ERCC6L2: variants seen among roughly 807,000 people sequenced by gnomAD.
ERCC6L2 encodes DNA excision repair protein ERCC-6-like 2.
In ERCC6L2, 77 loss-of-function variants were observed where a neutral mutation model predicts 132.0. The observed-to-expected ratio is 0.58, with a 90% CI of 0.49 to 0.71. The LOEUF is 0.71. Among genes scored for constraint, ERCC6L2 ranks in the 30% least tolerant of loss-of-function variants. The pLI is 0.00. For synonymous variants in ERCC6L2, 583 were observed against 632.4 expected (o/e 0.92, Z 1.17); for missense variants, 1,542 against 1,837.6 (o/e 0.84, Z 2.94).
chr9:95,992,621 T>G (rs1347792133), intron 17 of ERCC6L2, among the ~76,000 whole-genome samples: 1 of 152,210 alleles, frequency 6.6e-6, no homozygotes, highest in Non-Finnish European at 1.5e-5. Context: ...ACATCAAATC[T>G]CACAACTAGT....
At chr9:96,002,101 C>T (rs915502408) in intron 17 of ERCC6L2, among the ~76,000 whole-genome samples, 3 of 152,242 alleles carry the variant, frequency 2.0e-5, no homozygotes, top group Non-Finnish European at 4.4e-5. Flanking sequence ...CGTGCCTCTC[C>T]CTCCACACCT....
intron 4 of ERCC6L2, among the ~76,000 whole-genome samples, chr9:95,913,989 T>C (rs1829462002): frequency 6.6e-6 from 1 of 152,208 alleles, no homozygotes; most frequent in Non-Finnish European, 1.5e-5. Context: ...CACCTAAGTT[T>C]TCATTTTTCT....
chr9:95,987,901 G>A, intron 17 of ERCC6L2, among the ~76,000 whole-genome samples: 1 of 152,194 alleles, frequency 6.6e-6, no homozygotes, highest in South Asian at 2.1e-4. Flanking sequence ...TCTAGGTGAT[G>A]GTTCCCAAAC....
Position 96,018,167 on chromosome 9 carries a change from T to C in ERCC6L2, c.*4964T>C, listed in dbSNP as rs998290065. 6.6e-6 allele frequency among the ~76,000 whole-genome samples: 1 copy of C among 152,194 alleles called. No individual in the cohort carries two copies. Among genetic ancestry groups the C allele is most frequent in the Non-Finnish European group, 1.5e-5 (1 of 68,032 alleles). On this transcript the variant is annotated 3_prime_UTR_variant, in exon 19 of 19. Coordinates refer to ENST00000653738, the MANE Select transcript of ERCC6L2 (RefSeq NM_020207.7). ...GTGGCCTGAAGATGGATGGTCGTGATGGTTGCACAGCAATGTGAATTTAAT... is the reference window on the plus strand; with the variant it reads ...GTGGCCTGAAGATGGATGGTCGTGACGGTTGCACAGCAATGTGAATTTAAT...
In ERCC6L2 at chr9:96,016,869, A is replaced by G. The variant is rs1564307529; in HGVS notation, c.*3666A>G. 6.6e-6 allele frequency among the ~76,000 whole-genome samples: 1 copy of G among 152,192 alleles called. No individual in the cohort carries two copies. The highest frequency in any genetic ancestry group is 2.4e-5 in the African/African-American group (1 of 41,448). On this transcript the variant is annotated 3_prime_UTR_variant, in exon 19 of 19. Coordinates refer to ENST00000653738, the MANE Select transcript of ERCC6L2 (RefSeq NM_020207.7). ...TGACACTTACTGGTCTATAAAATCC[A>G]AAGGAATGGGGATCACTGCCTGCCT...
chr9:95,915,647 T>A (rs1564219139), intron 4 of ERCC6L2, 21 bp from the exon 5 acceptor site: 1 of 1,589,468 alleles, frequency 6.3e-7, no homozygotes, highest in Non-Finnish European at 8.5e-7. Context: ...AACCTCACCC[T>A]TCTTTTTTCT....
chr9:95,998,981 T>C (rs1469026023), intron 17 of ERCC6L2, among the ~76,000 whole-genome samples: 1 of 152,214 alleles, frequency 6.6e-6, no homozygotes, highest in Non-Finnish European at 1.5e-5. Flanking sequence ...TTCAGTAAAG[T>C]ATTAAAGTTC....
chr9:95,977,437 C>G (rs1157796053), intron 16 of ERCC6L2, among the ~76,000 whole-genome samples: 1 of 152,088 alleles, frequency 6.6e-6, no homozygotes, highest in Admixed American at 6.5e-5. Context: ...TTTATGATCA[C>G]AATTCAAAAA....
intron 4 of ERCC6L2, among the ~76,000 whole-genome samples, chr9:95,909,265 T>C (rs1403370820): frequency 6.6e-6 from 1 of 152,204 alleles, no homozygotes; most frequent in East Asian, 1.9e-4. Context: ...TCTTTTTTAT[T>C]TTTATGACCC....
chr9:95,946,039 A>T (rs1257335866), intron 12 of ERCC6L2, among the ~76,000 whole-genome samples: 1 of 152,220 alleles, frequency 6.6e-6, no homozygotes. Flanking sequence ...TGGTAACAAA[A>T]ATTAAGAATG....
intron 12 of ERCC6L2, among the ~76,000 whole-genome samples, chr9:95,949,575 A>G (rs1028621121): frequency 6.6e-6 from 1 of 152,188 alleles, no homozygotes; most frequent in Non-Finnish European, 1.5e-5. Context: ...AAAAAAACAA[A>G]CAAACTGTCA....
chr9:95,950,526 A>C (rs1362674408), intron 12 of ERCC6L2, among the ~76,000 whole-genome samples: 1 of 152,216 alleles, frequency 6.6e-6, no homozygotes, highest in African/African-American at 2.4e-5. Context: ...ATCAAATTCC[A>C]TAATTAAAAG....
intron 12 of ERCC6L2, among the ~76,000 whole-genome samples, chr9:95,947,616 G>A (rs1177794511): frequency 2.0e-5 from 3 of 152,184 alleles, no homozygotes; most frequent in Non-Finnish European, 2.9e-5. Flanking sequence ...ATGTCATTGA[G>A]GACTGTAGTC....
In ERCC6L2 at chr9:96,012,629, C is replaced by T; in HGVS notation, c.4079C>T (p.Pro1360Leu). Residue 1360 changes from proline (P) to leucine (L), a missense_variant, in exon 19 of 19, where the codon CCT (proline) becomes CTT (leucine). Pro to Leu is a moderately conservative substitution (Grantham distance 98, BLOSUM62 -3). Transcript: ENST00000653738. ...FFNDAETKKSPVSSTQEIDSG... is the reference protein window; with the variant it reads ...FFNDAETKKSLVSSTQEIDSG... Reference sequence around the variant, plus strand: ...AATGATGCAGAAACTAAGAAATCACCTGTTAGTTCTACTCAAGAGATTGAC... The same window carrying T: ...AATGATGCAGAAACTAAGAAATCACTTGTTAGTTCTACTCAAGAGATTGAC... 1 of 1,367,466 alleles carries T rather than the reference C, an allele frequency of 7.3e-7. No homozygotes were observed. Among genetic ancestry groups the T allele is most frequent in the Non-Finnish European group, 9.8e-7 (1 of 1,021,774 alleles). The allele number at this position is 1,367,466 out of a possible 1,614,324, so 84.7% of individuals were successfully genotyped here. A position where few individuals can be genotyped will look rare whatever the true frequency, so the allele number is the denominator to read the frequency against.
In ERCC6L2 at chr9:96,013,978, T is replaced by G. The variant is rs1834120158; in HGVS notation, c.*775T>G. The G allele has an allele frequency of 6.6e-6, 1 of 152,240 alleles. No individual in the cohort carries two copies. Among genetic ancestry groups the G allele is most frequent in the South Asian group, 2.1e-4 (1 of 4,828 alleles). The allele number at this position is 152,240 out of a possible 1,614,324, so 9.4% of individuals were successfully genotyped here. A position where few individuals can be genotyped will look rare whatever the true frequency, so the allele number is the denominator to read the frequency against. On this transcript the variant is annotated 3_prime_UTR_variant, in exon 19 of 19. Transcript: ENST00000653738. Reference sequence around the variant, plus strand: ...GAAGAAATGGGTAAACTTTTTATTTTGTTAGAAACTGTTATATTTTGAGTG... The same window carrying G: ...GAAGAAATGGGTAAACTTTTTATTTGGTTAGAAACTGTTATATTTTGAGTG...
chr9:95,993,605 G>A lies in ERCC6L2; in HGVS notation c.3493-10915G>A, dbSNP rs113977252. ...ATGAGTCACCCCTATAAGTGATGCT[G>A]AATTTCCACAAGCAGCTTCTATCAG... On this transcript the variant is annotated intron_variant, in intron 17 of 18. Coordinates refer to ENST00000653738, the MANE Select transcript of ERCC6L2 (RefSeq NM_020207.7). Among the ~76,000 whole-genome samples, 1,471 of 152,260 alleles carry A rather than the reference G, an allele frequency of 9.7e-3. 14 individuals are homozygous for A. The highest frequency in any genetic ancestry group is 0.041 in the Middle Eastern group (12 of 294).
intron 1 of ERCC6L2, among the ~76,000 whole-genome samples, chr9:95,877,425 C>A (rs1490008635): frequency 1.3e-5 from 2 of 151,950 alleles, no homozygotes; most frequent in African/African-American, 2.4e-5. Flanking sequence ...CTCAATACTC[C>A]CTTCTCATAG....
intron 3 of ERCC6L2, among the ~76,000 whole-genome samples, chr9:95,899,411 C>G (rs935186774): frequency 3.9e-5 from 6 of 151,900 alleles, no homozygotes; most frequent in Non-Finnish European, 7.4e-5. Context: ...ATGTTTGCAC[C>G]ACTGCACTCC....
intron 14 of ERCC6L2, chr9:95,968,280 A>G (rs1215748712): frequency 6.6e-6 from 1 of 152,216 alleles, no homozygotes; most frequent in Admixed American, 6.5e-5. Flanking sequence ...AAGTTCTTTA[A>G]TATACCAGAA....
Sources: allele counts gnomAD v4.1 joint callset (sites outside exome capture counted in the v4.1 genomes callset), GRCh38; gene constraint gnomAD v4.1.1; transcripts MANE v1.5; gene names NCBI Gene and HGNC (gene_info 2026-07-23, HGNC 2026-07-21).